TTC28: variants seen among roughly 807,000 people sequenced by gnomAD.
TTC28 encodes tetratricopeptide repeat domain 28, also known as tetratricopeptide repeat protein 28.
Under a neutral mutation model 198.0 loss-of-function variants are expected in TTC28, and 61 were observed. The observed-to-expected ratio is 0.31, with a 90% confidence interval of 0.25 to 0.38. The LOEUF (loss-of-function observed/expected upper bound fraction) is 0.38. Ranked by LOEUF, TTC28 falls within the 10% of genes least tolerant of loss-of-function variation. TTC28 has a pLI of 1.00. For synonymous variants in TTC28, 1,171 were observed against 1,297.8 expected (o/e 0.90, Z 2.10); for missense variants, 2,678 against 3,164.0 (o/e 0.85, Z 3.69).
chr22:28,298,919 T>G (rs74903372), intron 3 of TTC28, among the ~76,000 whole-genome samples: 1 of 152,240 alleles, frequency 6.6e-6, no homozygotes, highest in Non-Finnish European at 1.5e-5. Context: ...TTATGCATTT[T>G]TCTTGTGGTC....
At chr22:28,116,847 C>T (rs12168054) in intron 6 of TTC28, among the ~76,000 whole-genome samples, 10,310 of 152,224 alleles carry the variant, frequency 0.068, 421 homozygotes, top group South Asian at 0.092. Flanking sequence ...TTTCCTGATT[C>T]AGGCCCAATC....
chr22:28,215,095 A>G (rs908515226), intron 5 of TTC28, among the ~76,000 whole-genome samples: 15 of 150,752 alleles, frequency 1.0e-4, no homozygotes, highest in Non-Finnish European at 1.8e-4. Flanking sequence ...GAACACTTGC[A>G]CACAGGGTGG....
intron 6 of TTC28, among the ~76,000 whole-genome samples, chr22:28,134,089 C>T (rs1364104917): frequency 1.3e-5 from 2 of 152,188 alleles, no homozygotes; most frequent in African/African-American, 4.8e-5. Flanking sequence ...TGCTGATATC[C>T]AGGCAAACAG....
intron 12 of TTC28, among the ~76,000 whole-genome samples, chr22:28,039,717 AG>A (rs1284952785): frequency 6.6e-6 from 1 of 152,200 alleles, no homozygotes; most frequent in Admixed American, 6.5e-5. Flanking sequence ...AGCTAGCAGA[AG>A]GCAAGAAATA....
chr22:28,575,671 C>G (rs1196182332), intron 2 of TTC28, among the ~76,000 whole-genome samples: 1 of 151,826 alleles, frequency 6.6e-6, no homozygotes, highest in Non-Finnish European at 1.5e-5. Context: ...TTTTTGTGCC[C>G]TCTTCAGTTT....
chr22:28,157,911 G>C (rs1943785121), intron 6 of TTC28, among the ~76,000 whole-genome samples: 1 of 152,064 alleles, frequency 6.6e-6, no homozygotes. Context: ...GGAGGTCCTA[G>C]CTACAGCAGT....
intron 6 of TTC28, among the ~76,000 whole-genome samples, chr22:28,135,654 A>T (rs1342992402): frequency 2.6e-5 from 4 of 152,230 alleles, no homozygotes; most frequent in African/African-American, 9.6e-5. Flanking sequence ...CAGACAGTGG[A>T]GAAGTAAATA....
intron 1 of TTC28, among the ~76,000 whole-genome samples, chr22:28,658,871 T>C (rs2051699864): frequency 1.3e-5 from 2 of 151,988 alleles, no homozygotes; most frequent in South Asian, 4.2e-4. Context: ...GTGACGCACA[T>C]CTGTAATCTC....
chr22:28,490,318 T>G (rs1568976413), intron 2 of TTC28, among the ~76,000 whole-genome samples: 1 of 152,180 alleles, frequency 6.6e-6, no homozygotes, highest in Non-Finnish European at 1.5e-5. Context: ...ACAACATTTT[T>G]TTTCTTGATC....
intron 1 of TTC28, among the ~76,000 whole-genome samples, chr22:28,633,108 C>T (rs1259842837): frequency 6.6e-6 from 1 of 151,650 alleles, no homozygotes; most frequent in Non-Finnish European, 1.5e-5. Flanking sequence ...GATGAAACCT[C>T]ATCTCTACTA....
At chr22:28,245,310 G>A (rs1038411611) in intron 5 of TTC28, among the ~76,000 whole-genome samples, 18 of 152,062 alleles carry the variant, frequency 1.2e-4, no homozygotes, top group African/African-American at 2.7e-4. Context: ...CCAAAATGCC[G>A]CAGGAAGAGT....
Position 27,999,000 on chromosome 22 carries a change from C to T in TTC28, c.4659G>A (p.Leu1553=), listed in dbSNP as rs553624259. The T allele has an allele frequency of 6.4e-7, 1 of 1,550,556 alleles. No homozygotes were observed. Among genetic ancestry groups the T allele is most frequent in the South Asian group, 1.2e-5 (1 of 84,062 alleles). The change falls in exon 16 of 23, where the codon CTG becomes CTA. Residue 1553 remains leucine (L), a synonymous_variant. Transcript: ENST00000397906. ...TGCTGGGCGTGAGGACCAAGGCCGA[C>T]AGCTTCCAGGAGATGTGGGTGGCAA... The part of the protein sequence containing the change: ...VHFATHISWK[L]SALVLTPSMD...
chr22:28,406,831 C>A (rs2047004370), intron 2 of TTC28, among the ~76,000 whole-genome samples: 2 of 152,130 alleles, frequency 1.3e-5, no homozygotes, highest in African/African-American at 2.4e-5. Context: ...TGCTTTACTT[C>A]CTCTGGGAAA....
In TTC28 at chr22:28,107,349, C is replaced by T. The variant is rs866487538; in HGVS notation, c.2496G>A (p.Leu832=). The T allele has an allele frequency of 6.4e-7, 1 of 1,551,962 alleles. No homozygotes were observed. The highest frequency in any genetic ancestry group is 8.7e-7 in the Non-Finnish European group (1 of 1,147,054). ...DLGQKLKDPS[L]EAQVYGNMGI... The stretch of plus-strand genomic sequence containing the variant: ...CCATGTTGCCATAGACCTGGGCTTC[C>T]AGACTCGGATCCTTCAGCTTTTGCC... Residue 832 remains leucine, a synonymous_variant, in exon 7 of 23, where the codon CTG becomes CTA. Transcript: ENST00000397906.
At chr22:28,131,024 C>A (rs1943048416) in intron 6 of TTC28, among the ~76,000 whole-genome samples, 1 of 152,206 alleles carries the variant, frequency 6.6e-6, no homozygotes, top group African/African-American at 2.4e-5. Context: ...TGAGGTGATT[C>A]TGACTAACAA....
At chr22:28,454,317 A>G (rs2047826778) in intron 2 of TTC28, among the ~76,000 whole-genome samples, 2 of 152,220 alleles carry the variant, frequency 1.3e-5, no homozygotes, top group African/African-American at 2.4e-5. Context: ...ATTTCCTAGC[A>G]TATTAGGTAC....
intron 5 of TTC28, among the ~76,000 whole-genome samples, chr22:28,268,029 C>T (rs1004440397): frequency 2.4e-4 from 36 of 152,122 alleles, no homozygotes; most frequent in African/African-American, 8.2e-4. Context: ...CAAGAACAGG[C>T]TCTTTATTGT....
chr22:28,225,050 C>A (rs1325348332), intron 5 of TTC28, among the ~76,000 whole-genome samples: 1 of 152,018 alleles, frequency 6.6e-6, no homozygotes, highest in Admixed American at 6.6e-5. Flanking sequence ...AAATAATAAA[C>A]CTTACAGACT....
intron 5 of TTC28, among the ~76,000 whole-genome samples, chr22:28,295,216 G>A (rs918997837): frequency 4.6e-5 from 7 of 152,130 alleles, no homozygotes; most frequent in African/African-American, 7.2e-5. Flanking sequence ...CCTGAGACAC[G>A]TAGTTGCTGG....
Sources: allele counts gnomAD v4.1 joint callset (sites outside exome capture counted in the v4.1 genomes callset), GRCh38; gene constraint gnomAD v4.1.1; transcripts MANE v1.5; gene names NCBI Gene and HGNC (gene_info 2026-07-23, HGNC 2026-07-21).